CRADD: variants seen among roughly 807,000 people sequenced by gnomAD.
The protein encoded by CRADD is death domain-containing protein CRADD.
A neutral mutation model predicts 15.5 loss-of-function variants in CRADD; 9 were observed. The ratio of observed to expected loss-of-function variants is 0.58; its 90% CI spans 0.35 to 1.01. The LOEUF (loss-of-function observed/expected upper bound fraction) is 1.01, where lower values mean the gene tolerates loss of function less well. Among genes scored for constraint, CRADD ranks in the 50% least tolerant of loss-of-function variants. The pLI, the probability that CRADD is intolerant of heterozygous loss-of-function variation, is 0.02. For synonymous variants in CRADD, 118 were observed against 107.6 expected (o/e 1.10, Z -0.60); for missense variants, 227 against 250.3 (o/e 0.91, Z 0.63).
intron 2 of CRADD, among the ~76,000 whole-genome samples, chr12:93,742,236 G>T (rs909889888): frequency 6.6e-6 from 1 of 152,186 alleles, no homozygotes; most frequent in Non-Finnish European, 1.5e-5. Flanking sequence ...AGGCTTTGAG[G>T]CATCTGCTGT....
At position 93,763,885 on chromosome 12, in the gene CRADD, A is replaced by G. The variant is rs376314376; in HGVS notation, c.298+84813A>G. Among the ~76,000 whole-genome samples, 21 of 152,330 alleles carry G rather than the reference A, an allele frequency of 1.4e-4. 2 individuals are homozygous for G. Among genetic ancestry groups the G allele is most frequent in the Admixed American group, 1.2e-3 (19 of 15,304 alleles). On this transcript the variant is annotated intron_variant, in intron 2 of 2. Coordinates refer to ENST00000332896, the MANE Select transcript of CRADD (RefSeq NM_003805.5). ...TGGCTCTGAAACCACAGAAATGTTC[A>G]TCAGTGTCTGCTGCCGCCTACCTGT...
At chr12:93,738,040 G>A (rs1032582877) in intron 2 of CRADD, among the ~76,000 whole-genome samples, 7 of 152,090 alleles carry the variant, frequency 4.6e-5, no homozygotes, top group Non-Finnish European at 8.8e-5. Flanking sequence ...GCAAGCAGGA[G>A]AGTTTCATAA....
intron 2 of CRADD, among the ~76,000 whole-genome samples, chr12:93,876,960 T>C (rs1958461789): frequency 6.6e-6 from 1 of 152,180 alleles, no homozygotes; most frequent in Admixed American, 6.6e-5. Flanking sequence ...GCTGTCCTTC[T>C]TGGGAAGGCT....
intron 2 of CRADD, among the ~76,000 whole-genome samples, chr12:93,863,834 G>A (rs1442452418): frequency 2.0e-5 from 3 of 151,986 alleles, no homozygotes. Context: ...CACCACCTAT[G>A]CCATTATTAG....
intron 2 of CRADD, among the ~76,000 whole-genome samples, chr12:93,740,852 A>G (rs1364710784): frequency 6.6e-6 from 1 of 152,222 alleles, no homozygotes. Flanking sequence ...TTTGTTGTAG[A>G]AAATACTTAA....
At chr12:93,794,591 C>A (rs1957392442) in intron 2 of CRADD, among the ~76,000 whole-genome samples, 1 of 152,166 alleles carries the variant, frequency 6.6e-6, no homozygotes, top group Non-Finnish European at 1.5e-5. Context: ...CCATCCCAGT[C>A]CGAACCTCTG....
chr12:93,774,099 G>T (rs1957117145), intron 2 of CRADD, among the ~76,000 whole-genome samples: 1 of 151,154 alleles, frequency 6.6e-6, no homozygotes, highest in African/African-American at 2.4e-5. Context: ...GCCTCCTGAA[G>T]TGCTAGGATT....
At chr12:93,792,412 T>C (rs1365642542) in intron 2 of CRADD, among the ~76,000 whole-genome samples, 1 of 152,184 alleles carries the variant, frequency 6.6e-6, no homozygotes, top group African/African-American at 2.4e-5. Flanking sequence ...AGTTCCAAGA[T>C]CCAAAATTCA....
chr12:93,695,492 G>A (rs896331019), intron 2 of CRADD, among the ~76,000 whole-genome samples: 1 of 152,118 alleles, frequency 6.6e-6, no homozygotes, highest in African/African-American at 2.4e-5. Context: ...AAACAACAGA[G>A]TAAAGAAGTA....
At chr12:93,886,448 A>G (rs1593062100) in intron 2 of CRADD, among the ~76,000 whole-genome samples, 2 of 152,166 alleles carry the variant, frequency 1.3e-5, no homozygotes, top group South Asian at 4.2e-4. Flanking sequence ...GGTGTGAGCC[A>G]CTGCGCCCAG....
intron 2 of CRADD, among the ~76,000 whole-genome samples, chr12:93,713,516 A>G (rs1241910452): frequency 1.3e-5 from 2 of 152,194 alleles, no homozygotes; most frequent in Non-Finnish European, 2.9e-5. Context: ...TGTGATCTAC[A>G]TACAGCCTCC....
intron 2 of CRADD, among the ~76,000 whole-genome samples, chr12:93,724,540 G>A (rs1956320187): frequency 1.3e-5 from 2 of 152,146 alleles, no homozygotes; most frequent in African/African-American, 4.8e-5. Context: ...CTTTTTACTT[G>A]TTAGGATGGA....
intron 2 of CRADD, among the ~76,000 whole-genome samples, chr12:93,768,844 C>T (rs1277793546): frequency 6.6e-6 from 1 of 152,168 alleles, no homozygotes; most frequent in East Asian, 1.9e-4. Flanking sequence ...TCCTCCTCCC[C>T]ACCAGAGATA....
At chr12:93,682,379 C>T (rs948911649) in intron 2 of CRADD, among the ~76,000 whole-genome samples, 1 of 152,096 alleles carries the variant, frequency 6.6e-6, no homozygotes, top group African/African-American at 2.4e-5. Context: ...TTTGATCATA[C>T]TTATTAATTA....
intron 2 of CRADD, among the ~76,000 whole-genome samples, chr12:93,797,858 G>A (rs889065074): frequency 2.6e-5 from 4 of 152,204 alleles, no homozygotes; most frequent in Non-Finnish European, 4.4e-5. Context: ...GTATGGCGTA[G>A]AAAGGGCAAT....
At chr12:93,721,222 TG>T (rs1212202676) in intron 2 of CRADD, among the ~76,000 whole-genome samples, 1 of 152,172 alleles carries the variant, frequency 6.6e-6, no homozygotes. Flanking sequence ...TGAGCCACCA[TG>T]CTCCTTTTTT....
At chr12:93,782,613 C>G (rs1189705733) in intron 2 of CRADD, among the ~76,000 whole-genome samples, 1 of 147,962 alleles carries the variant, frequency 6.8e-6, no homozygotes, top group Non-Finnish European at 1.5e-5. Flanking sequence ...AAAAAAAAGA[C>G]TTAAGGGACC....
chr12:93,740,589 T>C (rs570114183), intron 2 of CRADD, among the ~76,000 whole-genome samples: 2 of 152,316 alleles, frequency 1.3e-5, no homozygotes, highest in East Asian at 1.9e-4. Flanking sequence ...ATAAGATAAA[T>C]TGGATTCTAT....
chr12:93,862,694 C>CA (rs1353564483), intron 2 of CRADD, among the ~76,000 whole-genome samples: 3 of 152,188 alleles, frequency 2.0e-5, no homozygotes, highest in Non-Finnish European at 2.9e-5. Flanking sequence ...GAAATCTCAA[C>CA]ACTTTTAAAG....
Sources: allele counts gnomAD v4.1 joint callset (sites outside exome capture counted in the v4.1 genomes callset), GRCh38; gene constraint gnomAD v4.1.1; transcripts MANE v1.5; gene names NCBI Gene and HGNC (gene_info 2026-07-23, HGNC 2026-07-21).